Variants in LRIG1 observed in about 807,000 individuals in gnomAD.
LRIG1 encodes leucine rich repeats and immunoglobulin like domains 1.
In LRIG1, 48 loss-of-function variants were observed where a neutral mutation model predicts 99.2. That is an observed-to-expected ratio of 0.48 (90% CI 0.38 to 0.62). The LOEUF is 0.62. Ranked by LOEUF, LRIG1 falls within the 20% of genes least tolerant of loss-of-function variation. The probability of loss-of-function intolerance (pLI) is 0.00; values close to 1 mark genes in which losing one functional copy is unlikely to be tolerated. For synonymous variants in LRIG1, 772 were observed against 596.1 expected, an observed-to-expected ratio of 1.29 and a Z score of -4.30; for missense variants, 1,646 against 1,434.4, an observed-to-expected ratio of 1.15 and a Z score of -2.38.
At chr3:66,380,979 T>A in intron 17 of LRIG1, 118 bp from the exon 18 acceptor site, 2 of 969,608 alleles carry the variant, frequency 2.1e-6, no homozygotes, top group Non-Finnish European at 1.5e-6. Flanking sequence ...GCAAACACTG[T>A]ATGCATGCTT....
intron 9 of LRIG1, chr3:66,404,465 T>G: frequency 8.9e-7 from 1 of 1,125,570 alleles, no homozygotes; most frequent in Non-Finnish European, 1.1e-6. Context: ...AAAGTGCTGG[T>G]TACACGCAGA....
chr3:66,398,016 G>T, intron 11 of LRIG1, 96 bp downstream of exon 11: 1 of 1,001,094 alleles, frequency 1.0e-6, no homozygotes, highest in South Asian at 1.4e-5. Flanking sequence ...TGTACCATGT[G>T]AACTTTTAAC....
intron 3 of LRIG1, among the ~76,000 whole-genome samples, chr3:66,447,380 A>T (rs1703763280): frequency 6.6e-6 from 1 of 152,102 alleles, no homozygotes; most frequent in African/African-American, 2.4e-5. Flanking sequence ...CATTTATCTT[A>T]TCTCATTAAA....
At chr3:66,383,931 G>C (rs1321831759) in intron 14 of LRIG1, 60 bp downstream of exon 14, 2 of 1,485,184 alleles carry the variant, frequency 1.3e-6, no homozygotes, top group African/African-American at 3.2e-5. Context: ...GAGCATTTGA[G>C]AGTCTCTCTC....
chr3:66,468,783 A>G (rs1197530315), intron 1 of LRIG1, among the ~76,000 whole-genome samples: 1 of 152,216 alleles, frequency 6.6e-6, no homozygotes, highest in East Asian at 1.9e-4. Flanking sequence ...AGCGGGTGCA[A>G]ATAAGGAAGA....
Position 66,401,723 on chromosome 3 carries a change from G to A in LRIG1, c.1161-2682C>T, listed in dbSNP as rs1339402076. 2.9e-6 allele frequency: 4 copies of A among 1,390,114 alleles called. No homozygotes were observed. The Admixed American group carries it at 6.4e-5, about 22-fold the overall frequency. 86.1% of individuals were successfully genotyped at this position (1,390,114 alleles called of 1,614,324 possible). ...GAGAGGCGGGATTATGGGCTGGGAGGACACTATTTCTGTACCACAGCCGGG... is the reference window on the plus strand; with the variant it reads ...GAGAGGCGGGATTATGGGCTGGGAGAACACTATTTCTGTACCACAGCCGGG... On this transcript the variant is annotated intron_variant, in intron 9 of 18. Coordinates refer to ENST00000273261, the MANE Select transcript of LRIG1 (RefSeq NM_015541.3).
At chr3:66,454,985 C>T (rs1298118566) in intron 2 of LRIG1, among the ~76,000 whole-genome samples, 1 of 152,164 alleles carries the variant, frequency 6.6e-6, no homozygotes, top group Non-Finnish European at 1.5e-5. Flanking sequence ...TCTGTGGTGG[C>T]CCAGGCTGGA....
chr3:66,440,913 TC>T (rs1703516273), intron 3 of LRIG1, among the ~76,000 whole-genome samples: 1 of 152,172 alleles, frequency 6.6e-6, no homozygotes, highest in Non-Finnish European at 1.5e-5. Context: ...CAGAGCCTTC[TC>T]TTAACCACTG....
intron 12 of LRIG1, among the ~76,000 whole-genome samples, chr3:66,389,607 T>C (rs768570317): frequency 6.6e-6 from 1 of 152,064 alleles, no homozygotes; most frequent in Admixed American, 6.5e-5. Context: ...TGTAAAAGGG[T>C]CAATGCATCA....
In LRIG1 at chr3:66,389,748, G is replaced by A. The variant is rs544324100; in HGVS notation, c.1469-3447C>T. 6.6e-5 allele frequency among the ~76,000 whole-genome samples: 10 copies of A among 152,178 alleles called. 1 individual carries two copies. Among genetic ancestry groups the A allele is most frequent in the South Asian group, 4.1e-4 (2 of 4,828 alleles). On this transcript the variant is annotated intron_variant, in intron 12 of 18. Coordinates refer to ENST00000273261, the MANE Select transcript of LRIG1 (RefSeq NM_015541.3). ...ACTTCAATACCCCACTTTCAACAAC[G>A]GATAGAACTAGTCAGAAGATCAAGG...
At chr3:66,463,523 G>T (rs4856941) in intron 1 of LRIG1, among the ~76,000 whole-genome samples, 127,586 of 152,082 alleles carry the variant, frequency 0.84, 55,134 homozygotes, top group Non-Finnish European at 0.96. Flanking sequence ...TTCTGTTAGG[G>T]GACCACAATC....
intron 3 of LRIG1, among the ~76,000 whole-genome samples, chr3:66,433,963 A>G (rs962373419): frequency 6.6e-6 from 1 of 152,244 alleles, no homozygotes; most frequent in African/African-American, 2.4e-5. Flanking sequence ...ATGAACTTAC[A>G]TGCAAAACAT....
intron 9 of LRIG1, among the ~76,000 whole-genome samples, chr3:66,399,567 G>A (rs1460799735): frequency 6.6e-6 from 1 of 152,208 alleles, no homozygotes; most frequent in Non-Finnish European, 1.5e-5. Context: ...GAGCCCAAGA[G>A]TTTGAGACCT....
chr3:66,405,632 T>A (rs1575665729), intron 8 of LRIG1: 1 of 842,564 alleles, frequency 1.2e-6, no homozygotes, highest in Non-Finnish European at 1.6e-6. Flanking sequence ...AAAGGTTCCT[T>A]AAGGCTCCCG....
intron 1 of LRIG1, among the ~76,000 whole-genome samples, chr3:66,494,216 T>C (rs1385621187): frequency 6.6e-6 from 1 of 152,228 alleles, no homozygotes; most frequent in Non-Finnish European, 1.5e-5. Flanking sequence ...ATAGAGCATT[T>C]TTCTGTCTTT....
intron 1 of LRIG1, among the ~76,000 whole-genome samples, chr3:66,470,159 T>C (rs1185483338): frequency 6.6e-6 from 1 of 152,168 alleles, no homozygotes; most frequent in Non-Finnish European, 1.5e-5. Context: ...AACAATCAAC[T>C]ACATGCATTT....
chr3:66,468,256 A>G (rs570186913), intron 1 of LRIG1, among the ~76,000 whole-genome samples: 82 of 152,334 alleles, frequency 5.4e-4, no homozygotes, highest in African/African-American at 1.9e-3. Context: ...CCACTTCGTT[A>G]GACAACAGAA....
At position 66,500,403 on chromosome 3, in the gene LRIG1, G is replaced by T; in HGVS notation, c.5C>A (p.Ala2Glu). 1 of 1,415,042 alleles carries T rather than the reference G, an allele frequency of 7.1e-7. No individual in the cohort carries two copies. 87.7% of individuals were successfully genotyped at this position (1,415,042 alleles called of 1,614,324 possible). A position where few individuals can be genotyped will look rare whatever the true frequency, so the allele number is the denominator to read the frequency against. M[A>E]RPVRGGLGAP... ...CCCGAGCCCTCCCCGGACCGGCCGC[G>T]CCATCTTGTCTGGAGCGCGCTGCGA... The change falls in exon 1 of 19, where the codon GCG becomes GAG. Residue 2 changes from alanine to glutamate, a missense_variant. Physicochemically the swap from Ala to Glu is moderately radical, Grantham distance 107. Transcript: ENST00000273261.
chr3:66,475,966 TTTC>T (rs1298876731), intron 1 of LRIG1, among the ~76,000 whole-genome samples: 1 of 152,214 alleles, frequency 6.6e-6, no homozygotes, highest in Admixed American at 6.5e-5. Flanking sequence ...TACAGCTTGA[TTTC>T]TTTTCTTCCA....
Sources: allele counts gnomAD v4.1 joint callset (sites outside exome capture counted in the v4.1 genomes callset), GRCh38; gene constraint gnomAD v4.1.1; transcripts MANE v1.5; gene names NCBI Gene and HGNC (gene_info 2026-07-23, HGNC 2026-07-21).